Variants in NRCAM observed in about 807,000 individuals in gnomAD.
NRCAM encodes the protein NgCAM-related cell adhesion molecule.
Under a neutral mutation model 156.5 loss-of-function variants are expected in NRCAM, and 83 were observed. That is an observed-to-expected ratio of 0.53 (90% CI 0.44 to 0.64). NRCAM has a LOEUF of 0.64. Ranked by LOEUF, NRCAM falls within the 30% of genes least tolerant of loss-of-function variation. NRCAM has a pLI of 0.00. For synonymous variants in NRCAM, 538 were observed against 563.9 expected (o/e 0.95, Z 0.65); for missense variants, 1,417 against 1,597.3 (o/e 0.89, Z 1.92).
intron 3 of NRCAM, among the ~76,000 whole-genome samples, chr7:108,298,778 T>C (rs1019818254): frequency 2.0e-5 from 3 of 151,790 alleles, no homozygotes; most frequent in African/African-American, 7.3e-5. Context: ...TTTGTCTCTC[T>C]TCAAGACTAT....
intron 3 of NRCAM, among the ~76,000 whole-genome samples, chr7:108,270,219 G>T (rs1253683894): frequency 6.6e-6 from 1 of 152,174 alleles, no homozygotes; most frequent in Non-Finnish European, 1.5e-5. Flanking sequence ...AATTCAGTAG[G>T]AAAGCCAATC....
chr7:108,267,146 T>G (rs141227154), intron 3 of NRCAM, among the ~76,000 whole-genome samples: 1 of 152,210 alleles, frequency 6.6e-6, no homozygotes, highest in Non-Finnish European at 1.5e-5. Flanking sequence ...CCAGAATCTT[T>G]TATAATAAGC....
intron 17 of NRCAM, among the ~76,000 whole-genome samples, chr7:108,193,098 C>G (rs2073056761): frequency 6.6e-6 from 1 of 152,180 alleles, no homozygotes; most frequent in Non-Finnish European, 1.5e-5. Context: ...TCATGGCTCA[C>G]TGGAGTCTCA....
chr7:108,158,900 A>G (rs1451224969), intron 32 of NRCAM, among the ~76,000 whole-genome samples: 2 of 152,210 alleles, frequency 1.3e-5, no homozygotes, highest in African/African-American at 4.8e-5. Flanking sequence ...GAGTCAAGCC[A>G]AGAATGTATT....
chr7:108,247,560 G>C (rs16872465), intron 3 of NRCAM, among the ~76,000 whole-genome samples: 15 of 130,394 alleles, frequency 1.2e-4, no homozygotes, highest in South Asian at 5.3e-4. Context: ...CATTATTTTA[G>C]CATAAATTTG....
At chr7:108,333,230 T>C (rs1425837167) in intron 2 of NRCAM, among the ~76,000 whole-genome samples, 1 of 152,190 alleles carries the variant, frequency 6.6e-6, no homozygotes, top group East Asian at 1.9e-4. Context: ...GTTCAAGTAC[T>C]GAGGTAATTT....
At chr7:108,160,588 C>A in intron 30 of NRCAM, 96 bp from the exon 31 acceptor site, 1 of 1,045,872 alleles carries the variant, frequency 9.6e-7, no homozygotes. Context: ...GTTATGTGAG[C>A]TTTCATATAT....
intron 2 of NRCAM, among the ~76,000 whole-genome samples, chr7:108,367,284 T>C (rs1360540613): frequency 6.6e-6 from 1 of 152,188 alleles, no homozygotes; most frequent in East Asian, 1.9e-4. Flanking sequence ...ATTTTTAACA[T>C]ATAAAAGTGA....
At chr7:108,162,369 C>T (rs1329294558) in intron 30 of NRCAM, among the ~76,000 whole-genome samples, 1 of 152,166 alleles carries the variant, frequency 6.6e-6, no homozygotes, top group Non-Finnish European at 1.5e-5. Context: ...CAATTAATGC[C>T]TGGTCTGTGC....
Position 108,149,885 on chromosome 7 carries a change from G to A in NRCAM, c.*25C>T, listed in dbSNP as rs755024973. 6.4e-7 allele frequency: 1 copy of A among 1,570,864 alleles called. No individual in the cohort carries two copies. The highest frequency in any genetic ancestry group is 1.4e-5 in the African/African-American group (1 of 73,326). ...CTTAGGATAAACATTCTAGAGAAAT[G>A]GAATATTGGCAAAGAGCTTAAAAAT... On this transcript the variant is annotated 3_prime_UTR_variant, in exon 33 of 33. Coordinates refer to ENST00000379028, the MANE Select transcript of NRCAM (RefSeq NM_001037132.4).
chr7:108,455,740 G>C (rs970195792), intron 1 of NRCAM, among the ~76,000 whole-genome samples: 1 of 152,198 alleles, frequency 6.6e-6, no homozygotes, highest in African/African-American at 2.4e-5. Context: ...GGCCCGAACA[G>C]GCACACGCCC....
rs183022094 is a variant in NRCAM at position 108,199,352 on chromosome 7, T to C, written c.1208-1253A>G. Among the ~76,000 whole-genome samples, 3 of 152,356 alleles carry C rather than the reference T, an allele frequency of 2.0e-5. No homozygotes were observed. The East Asian group carries it at 5.8e-4, about 29-fold the overall frequency. On this transcript the variant is annotated intron_variant, in intron 13 of 32. Coordinates refer to ENST00000379028, the MANE Select transcript of NRCAM (RefSeq NM_001037132.4). ...CCCAAACTCGAAGTATTTGGCTCCC[T>C]CATTCTGTAATAGTTTTCCACGGTT...
intron 1 of NRCAM, among the ~76,000 whole-genome samples, chr7:108,432,844 G>A (rs1015388268): frequency 4.6e-5 from 7 of 151,960 alleles, no homozygotes; most frequent in Admixed American, 2.6e-4. Context: ...AGAGGTTGCC[G>A]TAAGCACCAC....
At chr7:108,408,933 G>C (rs1215924957) in intron 1 of NRCAM, among the ~76,000 whole-genome samples, 1 of 152,128 alleles carries the variant, frequency 6.6e-6, no homozygotes, top group Non-Finnish European at 1.5e-5. Context: ...ATTCCTTGTC[G>C]CCTCCTACCT....
chr7:108,309,719 T>C (rs1228694736), intron 3 of NRCAM, among the ~76,000 whole-genome samples: 1 of 152,076 alleles, frequency 6.6e-6, no homozygotes. Context: ...TAGCCAGGCA[T>C]GTTGGTATGC....
At chr7:108,415,869 C>G (rs993234912) in intron 1 of NRCAM, among the ~76,000 whole-genome samples, 12 of 152,092 alleles carry the variant, frequency 7.9e-5, no homozygotes, top group African/African-American at 2.9e-4. Flanking sequence ...GCAGCAAGAG[C>G]AAAACTCCCT....
intron 3 of NRCAM, among the ~76,000 whole-genome samples, chr7:108,308,345 C>T (rs545368219): frequency 6.6e-6 from 1 of 152,292 alleles, no homozygotes; most frequent in South Asian, 2.1e-4. Context: ...CAGTTAAGAA[C>T]TACAAGCCAA....
rs181921241 is a variant in NRCAM, at chr7:108,341,067, C to T, written c.-173-28336G>A. Among the ~76,000 whole-genome samples the T allele has an allele frequency of 6.1e-3, 931 of 152,138 alleles. 12 individuals carry two copies. The highest frequency in any genetic ancestry group is 0.021 in the African/African-American group (888 of 41,420). On this transcript the variant is annotated intron_variant, in intron 2 of 32. Transcript: ENST00000379028. ...ATCCAATGCCTAATAGGGCTTGCTT[C>T]CAGTGTGGTCTACAAGGACACTTTA...
rs1441377990 is a variant in NRCAM at position 108,184,521 on chromosome 7, T to A, written c.2129A>T (p.Lys710Met). 6.2e-7 allele frequency: 1 copy of A among 1,614,168 alleles called. No individual in the cohort carries two copies. The highest frequency in any genetic ancestry group is 1.1e-5 in the South Asian group (1 of 91,084). Residue 710 changes from lysine (K) to methionine (M), a missense_variant, in exon 21 of 33, where the codon AAG becomes ATG. Physicochemically the swap from Lys to Met is moderately conservative, Grantham distance 95. This residue lies in a region of NRCAM where 1,238 missense variants were observed against 1,336.4 expected (regional missense o/e 0.93). Coordinates refer to ENST00000379028, the MANE Select transcript of NRCAM (RefSeq NM_001037132.4). The stretch of plus-strand genomic sequence containing the variant: ...GGAGTAGTTCACGTAAGGAGACAGC[T>A]TCAGCTGGGCTGTGGTCTGTGTTCC... ...VSGTQTTAQL[K>M]LSPYVNYSFR...
Sources: allele counts gnomAD v4.1 joint callset (sites outside exome capture counted in the v4.1 genomes callset), GRCh38; gene constraint gnomAD v4.1.1; regional missense constraint gnomAD v4.1.1; transcripts MANE v1.5; gene names NCBI Gene and HGNC (gene_info 2026-07-23, HGNC 2026-07-21).